KLF8: variants seen among roughly 807,000 people sequenced by gnomAD.
The protein encoded by KLF8 is KLF transcription factor 8.
In KLF8, 10 loss-of-function variants were observed where a neutral mutation model predicts 18.2. The ratio of observed to expected loss-of-function variants is 0.55; its 90% CI spans 0.34 to 0.93. The LOEUF (loss-of-function observed/expected upper bound fraction) is 0.93, where lower values mean the gene tolerates loss of function less well. Ranked by LOEUF, KLF8 falls within the 40% of genes least tolerant of loss-of-function variation. The pLI is 0.02. For missense variants in KLF8, 264 were observed against 277.9 expected (o/e 0.95, Z 0.36); for synonymous variants, 109 against 97.3 (o/e 1.12, Z -0.71).
the KLF8 span, among the ~76,000 whole-genome samples, chrX:56,051,332 G>T: frequency 9.1e-6 from 1 of 109,498 alleles, no homozygotes; most frequent in Non-Finnish European, 1.9e-5. Context: ...TGGTTATTTT[G>T]CTCGTTAGTT....
the KLF8 span, among the ~76,000 whole-genome samples, chrX:56,166,392 C>T: frequency 9.0e-6 from 1 of 111,484 alleles, no homozygotes; most frequent in African/African-American, 3.3e-5. Flanking sequence ...TTTAATTGAC[C>T]ATTGCTCTTG....
At chrX:56,042,783 C>T in the KLF8 span, among the ~76,000 whole-genome samples, 1 of 111,283 alleles carries the variant, frequency 9.0e-6, no homozygotes, top group Admixed American at 9.6e-5. Context: ...GGTCTTGGCT[C>T]TTTATCTTGC....
chrX:56,086,478 A>T, the KLF8 span, among the ~76,000 whole-genome samples: 4 of 111,042 alleles, frequency 3.6e-5, no homozygotes, highest in Non-Finnish European at 5.7e-5. Flanking sequence ...AATACTAAGT[A>T]GTTCCATGAG....
At chrX:55,919,039 A>G in the KLF8 span, among the ~76,000 whole-genome samples, 5 of 111,590 alleles carry the variant, frequency 4.5e-5, no homozygotes, top group African/African-American at 6.5e-5. Flanking sequence ...CCATTCCGGC[A>G]TCAATTCTAA....
At chrX:56,276,014 T>C (rs2067117141) in intron 5 of KLF8, among the ~76,000 whole-genome samples, 2 of 112,082 alleles carry the variant, frequency 1.8e-5, no homozygotes, top group Non-Finnish European at 3.8e-5. Flanking sequence ...TTGGAGTATT[T>C]CTTCCTGTTC....
At chrX:56,258,368 G>A (rs758690532) in intron 2 of KLF8, among the ~76,000 whole-genome samples, 7 of 111,931 alleles carry the variant, frequency 6.3e-5, no homozygotes, top group South Asian at 3.7e-4. Context: ...CGCCTCCTGC[G>A]TTCACGCCAT....
the KLF8 span, among the ~76,000 whole-genome samples, chrX:55,951,592 C>T: frequency 2.7e-5 from 3 of 110,039 alleles, no homozygotes; most frequent in East Asian, 5.6e-4. Flanking sequence ...GAGATAAATT[C>T]TGACTGGGAG....
At position 56,291,324 on chromosome X, in the gene KLF8, G is replaced by A. The variant is rs2067320556; in HGVS notation, c.*6830G>A. Among the ~76,000 whole-genome samples the A allele has an allele frequency of 9.0e-6, 1 of 111,117 alleles. No individual in the cohort carries two copies. The highest frequency in any genetic ancestry group is 9.6e-5 in the Admixed American group (1 of 10,399). On this transcript the variant is annotated 3_prime_UTR_variant, in exon 6 of 6. Coordinates refer to ENST00000468660, the MANE Select transcript of KLF8 (RefSeq NM_007250.5). ...GGCATGGCTTTGAGGCTAGAATCAT[G>A]AGCAATCTCTCATAAACAAGTCTGT...
the KLF8 span, among the ~76,000 whole-genome samples, chrX:56,059,866 G>T: frequency 1.8e-5 from 2 of 111,849 alleles, no homozygotes; most frequent in Non-Finnish European, 3.8e-5. Flanking sequence ...GTAATTTAAA[G>T]TAATTTTTTC....
the KLF8 span, among the ~76,000 whole-genome samples, chrX:56,051,212 C>G: frequency 9.0e-6 from 1 of 111,606 alleles, no homozygotes; most frequent in African/African-American, 3.3e-5. Context: ...TGGGTCTTGA[C>G]TCTTTATCCA....
the KLF8 span, among the ~76,000 whole-genome samples, chrX:56,138,855 A>T: frequency 9.0e-6 from 1 of 111,274 alleles, no homozygotes; most frequent in African/African-American, 3.3e-5. Flanking sequence ...GTGCATCCAA[A>T]TACGAACAGA....
chrX:56,130,881 G>A, the KLF8 span, among the ~76,000 whole-genome samples: 2 of 111,580 alleles, frequency 1.8e-5, no homozygotes, highest in African/African-American at 6.5e-5. Context: ...CTCACCAATA[G>A]AATTGAACAA....
the KLF8 span, among the ~76,000 whole-genome samples, chrX:56,000,485 G>T: frequency 1.3e-5 from 1 of 77,334 alleles, no homozygotes; most frequent in Non-Finnish European, 2.5e-5. Flanking sequence ...TGGGGGGGGG[G>T]GGAGGGATTT....
chrX:56,125,033 A>T, the KLF8 span, among the ~76,000 whole-genome samples: 1 of 112,288 alleles, frequency 8.9e-6, no homozygotes, highest in African/African-American at 3.2e-5. Flanking sequence ...GAGTCACTTC[A>T]GTGTCTGCAC....
At chrX:56,049,464 T>A in the KLF8 span, among the ~76,000 whole-genome samples, 4 of 109,429 alleles carry the variant, frequency 3.7e-5, no homozygotes, top group South Asian at 4.0e-4. Context: ...CTATTGAGAG[T>A]TTTTAGCATG....
At chrX:56,083,705 A>T in the KLF8 span, among the ~76,000 whole-genome samples, 1 of 111,882 alleles carries the variant, frequency 8.9e-6, no homozygotes, top group Non-Finnish European at 1.9e-5. Context: ...GGTGAGTGGC[A>T]GATAAGTGAG....
chrX:56,076,286 C>T, the KLF8 span, among the ~76,000 whole-genome samples: 3 of 73,647 alleles, frequency 4.1e-5, no homozygotes, highest in African/African-American at 5.3e-5. Flanking sequence ...GCTATCCCTC[C>T]GCCCTCCCCC....
chrX:55,986,804 G>A, the KLF8 span, among the ~76,000 whole-genome samples: 1 of 111,651 alleles, frequency 9.0e-6, no homozygotes, highest in African/African-American at 3.3e-5. Flanking sequence ...CTCAGGTAAT[G>A]AGTATAGCAC....
intron 5 of KLF8, among the ~76,000 whole-genome samples, chrX:56,274,189 A>G (rs1299585741): frequency 2.7e-5 from 3 of 111,654 alleles, no homozygotes; most frequent in African/African-American, 9.8e-5. Flanking sequence ...ATTTGTTATT[A>G]CCTGTATTTT....
Sources: gnomAD v4.1 joint callset for allele counts (sites outside exome capture counted in the v4.1 genomes callset) on GRCh38, gnomAD v4.1.1 for gene constraint, MANE v1.5 for transcripts, NCBI Gene and HGNC (gene_info 2026-07-23, HGNC 2026-07-21) for gene names.